The following DAW1 variants were observed in gnomAD, a reference collection of about 807,000 sequenced individuals.
DAW1 encodes the protein dynein assembly factor with WD repeats 1.
In DAW1, 47 loss-of-function variants were observed where a neutral mutation model predicts 56.5. The ratio of observed to expected loss-of-function variants is 0.83; its 90% CI spans 0.66 to 1.06. The LOEUF is 1.06. DAW1 is among the 50% of genes least tolerant of loss of function. DAW1 has a pLI of 0.00. For missense variants in DAW1, 505 were observed against 499.3 expected (o/e 1.01, Z -0.11); for synonymous variants, 190 against 179.0 (o/e 1.06, Z -0.49).
chr2:227,911,806 C>T (rs148329588), intron 10 of DAW1, among the ~76,000 whole-genome samples: 2 of 152,246 alleles, frequency 1.3e-5, no homozygotes, highest in South Asian at 2.1e-4. Context: ...TGCTGTATAA[C>T]GTATGTGTTA....
chr2:227,918,187 C>CATCCATCCATCCATCCATCCAT (rs1553604211), intron 10 of DAW1, among the ~76,000 whole-genome samples: 7,666 of 94,160 alleles, frequency 0.081, 278 homozygotes, highest in Non-Finnish European at 0.12. Flanking sequence ...ATCCATCCAT[C>CATCCATCCATCCATCCATCCAT]CATCCATCCA....
Position 227,872,560 on chromosome 2 carries a change from C to G in DAW1, c.40+831C>G, listed in dbSNP as rs147581447. Among the ~76,000 whole-genome samples the G allele has an allele frequency of 4.2e-4, 64 of 152,166 alleles. No homozygotes were observed. The East Asian group carries it at 8.1e-3, about 19-fold the overall frequency. On this transcript the variant is annotated intron_variant, in intron 1 of 12. Coordinates refer to ENST00000309931, the MANE Select transcript of DAW1 (RefSeq NM_178821.3). ...GATCTCATGATTTCTTTTTTCCAGT[C>G]CCATCCCAATCCTGCTGCTTCCTCA...
rs558395768 is a variant in DAW1, at chr2:227,920,656, A to AT, written c.1051-738dup. On this transcript the variant is annotated intron_variant, in intron 11 of 12. Coordinates refer to ENST00000309931, the MANE Select transcript of DAW1 (RefSeq NM_178821.3). ...GAAGGATCTGTGTGCTTTTTAAAAA[A>AT]TTTTTATTTATTTATTTTTATTTTT... Among the ~76,000 whole-genome samples, 47 of 152,088 alleles carry AT rather than the reference A, an allele frequency of 3.1e-4. 1 individual carries two copies. The South Asian group carries it at 9.4e-3, about 30-fold the overall frequency.
intron 11 of DAW1, among the ~76,000 whole-genome samples, chr2:227,919,500 GT>G (rs1392518985): frequency 6.6e-6 from 1 of 152,148 alleles, no homozygotes; most frequent in African/African-American, 2.4e-5. Flanking sequence ...AAACACATAA[GT>G]TTATGTTGTG....
At chr2:227,875,174 C>T (rs1323653322) in intron 1 of DAW1, among the ~76,000 whole-genome samples, 1 of 152,136 alleles carries the variant, frequency 6.6e-6, no homozygotes, top group Non-Finnish European at 1.5e-5. Context: ...TTGTCTCTCT[C>T]TCATCTCCAC....
chr2:227,886,414 C>T (rs1043973841), intron 2 of DAW1, among the ~76,000 whole-genome samples: 2 of 152,008 alleles, frequency 1.3e-5, no homozygotes, highest in African/African-American at 2.4e-5. Flanking sequence ...GTCAGGAGTT[C>T]GAGAGCAGCC....
intron 1 of DAW1, among the ~76,000 whole-genome samples, chr2:227,884,649 T>C (rs1012126256): frequency 6.6e-6 from 1 of 152,130 alleles, no homozygotes. Context: ...TGTCACTGAG[T>C]GGCCTTCCTG....
At chr2:227,907,339 C>A (rs2106207228) in intron 10 of DAW1, 87 bp downstream of exon 10, 1 of 1,015,518 alleles carries the variant, frequency 9.8e-7, no homozygotes, top group South Asian at 1.6e-5. Flanking sequence ...TGGGTCATTT[C>A]TTTGATGACC....
chr2:227,881,743 C>CTTTTT (rs541800966), intron 1 of DAW1, among the ~76,000 whole-genome samples: 3 of 78,608 alleles, frequency 3.8e-5, no homozygotes, highest in African/African-American at 4.9e-5. Context: ...CTGCCACATT[C>CTTTTT]TTTTTTTTTT....
chr2:227,877,022 A>G (rs1690899245), intron 1 of DAW1, among the ~76,000 whole-genome samples: 1 of 152,202 alleles, frequency 6.6e-6, no homozygotes, highest in African/African-American at 2.4e-5. Flanking sequence ...ATGCCCTTTT[A>G]ATATACTGAA....
intron 10 of DAW1, 118 bp from the exon 11 acceptor site, chr2:227,918,662 A>G (rs1692030935): frequency 9.1e-7 from 1 of 1,100,352 alleles, no homozygotes; most frequent in Non-Finnish European, 1.3e-6. Flanking sequence ...AGGCAAGAAG[A>G]TGAACTTAGC....
intron 2 of DAW1, among the ~76,000 whole-genome samples, chr2:227,886,613 T>C (rs1691136440): frequency 6.6e-6 from 1 of 152,020 alleles, no homozygotes; most frequent in Admixed American, 6.6e-5. Flanking sequence ...TGAGACTCTG[T>C]CTTTAAAAAA....
At chr2:227,890,255 A>G (rs1188362712) in intron 3 of DAW1, among the ~76,000 whole-genome samples, 3 of 151,992 alleles carry the variant, frequency 2.0e-5, no homozygotes, top group Non-Finnish European at 4.4e-5. Context: ...AAGGGTTATT[A>G]TTATTAAGAT....
In DAW1 at chr2:227,890,004, A is replaced by C. The variant is rs761525660; in HGVS notation, c.258+4A>C. ...TCACACGTTCTATCTTTTTAAGGTA[A>C]TGGATTTAAAAACAATCAGATAGAA... is the stretch of plus-strand genomic sequence containing the variant. On this transcript the variant is annotated splice_donor_region_variant and intron_variant, in intron 3 of 12. Transcript: ENST00000309931. 1 of 1,550,956 alleles carries C rather than the reference A, an allele frequency of 6.4e-7. No individual in the cohort carries two copies. Among genetic ancestry groups the C allele is most frequent in the South Asian group, 1.2e-5 (1 of 80,214 alleles).
rs1224473733 is a variant in DAW1, at chr2:227,907,169, C to G, written c.890C>G (p.Ala297Gly). Residue 297 changes from alanine (A) to glycine (G), a missense_variant, in exon 10 of 13, where the codon GCA becomes GGA. Coordinates refer to ENST00000309931, the MANE Select transcript of DAW1 (RefSeq NM_178821.3). ...GATGCTACAAATGGAAAATGTGTGG[C>G]AACCTTAACAGGCCATGATGATGAA... ...LWDATNGKCV[A>G]TLTGHDDEIL... 1.9e-6 allele frequency: 3 copies of G among 1,612,350 alleles called. No individual in the cohort carries two copies. Among genetic ancestry groups the G allele is most frequent in the African/African-American group, 2.7e-5 (2 of 74,718 alleles).
intron 8 of DAW1, 71 bp from the exon 9 acceptor site, chr2:227,906,165 G>A (rs1460857981): frequency 1.7e-6 from 2 of 1,204,266 alleles, no homozygotes; most frequent in Non-Finnish European, 2.4e-6. Context: ...AGATGGGCTT[G>A]GCCTCATTAT....
intron 10 of DAW1, 43 bp from the exon 11 acceptor site, chr2:227,918,737 T>C: frequency 6.3e-7 from 1 of 1,598,574 alleles, no homozygotes; most frequent in Non-Finnish European, 8.6e-7. Context: ...CAAAGTTCTG[T>C]ATTTAAGATG....
intron 6 of DAW1, among the ~76,000 whole-genome samples, chr2:227,902,797 G>T (rs570310078): frequency 1.3e-5 from 2 of 152,290 alleles, no homozygotes; most frequent in South Asian, 4.1e-4. Context: ...CCTTAGCTGG[G>T]TGCTGTGGGA....
chr2:227,890,422 G>T (rs993187984), intron 3 of DAW1, among the ~76,000 whole-genome samples: 1 of 152,086 alleles, frequency 6.6e-6, no homozygotes, highest in African/African-American at 2.4e-5. Flanking sequence ...TAATTTTAAT[G>T]TGATGTAAAT....
Sources: gnomAD v4.1 joint callset for allele counts (sites outside exome capture counted in the v4.1 genomes callset) on GRCh38, gnomAD v4.1.1 for gene constraint, MANE v1.5 for transcripts, NCBI Gene and HGNC (gene_info 2026-07-23, HGNC 2026-07-21) for gene names.